LNPEP: variants seen among roughly 807,000 people sequenced by gnomAD.
The protein encoded by LNPEP is leucyl and cystinyl aminopeptidase.
A neutral mutation model predicts 120.6 loss-of-function variants in LNPEP; 64 were observed. The ratio of observed to expected loss-of-function variants is 0.53; its 90% CI spans 0.43 to 0.65. The LOEUF (loss-of-function observed/expected upper bound fraction) is 0.65. LNPEP is among the 30% of genes least tolerant of loss of function. The pLI is 0.00. For synonymous variants in LNPEP, 435 were observed against 425.4 expected, an observed-to-expected ratio of 1.02 and a Z score of -0.28; for missense variants, 1,057 against 1,200.0, an observed-to-expected ratio of 0.88 and a Z score of 1.76.
intron 11 of LNPEP, among the ~76,000 whole-genome samples, chr5:97,008,662 C>CTTTTTTTTTTTTT (rs757725207): frequency 5.9e-5 from 5 of 85,444 alleles, no homozygotes; most frequent in South Asian, 4.7e-4. Context: ...CCTCTTTACT[C>CTTTTTTTTTTTTT]TTTTTTTTTT....
At position 97,031,966 on chromosome 5, in the gene LNPEP, G is replaced by A. The variant is rs541984170; in HGVS notation, c.*3433G>A. ...TTTGTTGAGATGGATTTTAAAAAGAGTCTATTTAAACCAAAGTACCTGGAA... is the reference window on the plus strand; with the variant it reads ...TTTGTTGAGATGGATTTTAAAAAGAATCTATTTAAACCAAAGTACCTGGAA... On this transcript the variant is annotated 3_prime_UTR_variant, in exon 18 of 18. Coordinates refer to ENST00000231368, the MANE Select transcript of LNPEP (RefSeq NM_005575.3). 4.6e-5 allele frequency: 7 copies of A among 152,274 alleles called. No homozygotes were observed. Among genetic ancestry groups the A allele is most frequent in the Admixed American group, 4.6e-4 (7 of 15,280 alleles). 9.4% of individuals were successfully genotyped at this position (152,274 alleles called of 1,614,324 possible). A position where few individuals can be genotyped will look rare whatever the true frequency, so the allele number is the denominator to read the frequency against.
chr5:97,018,563 T>A (rs3797787), intron 13 of LNPEP, among the ~76,000 whole-genome samples: 3 of 152,130 alleles, frequency 2.0e-5, no homozygotes, highest in African/African-American at 7.2e-5. Flanking sequence ...CAGTTAACTT[T>A]AGCTCACCAA....
At chr5:96,995,401 A>T (rs1257444415) in intron 6 of LNPEP, among the ~76,000 whole-genome samples, 1 of 152,038 alleles carries the variant, frequency 6.6e-6, no homozygotes, top group African/African-American at 2.4e-5. Context: ...CATTTCAAGG[A>T]TTTTTTTAGA....
chr5:96,979,327 A>G lies in LNPEP; in HGVS notation c.209A>G (p.Tyr70Cys), dbSNP rs761816383. ...GAGATGGAGGAGGATGAAGAGGATT[A>G]TGAGTCATCAGCAAAGCTGCTGGGC... ...EHEMEEDEED[Y>C]ESSAKLLGMS... The change falls in exon 2 of 18, where the codon TAT (tyrosine) becomes TGT (cysteine). Residue 70 changes from tyrosine (Y) to cysteine (C), a missense_variant. Tyr to Cys is a radical substitution (Grantham distance 194). Transcript: ENST00000231368. 11 of 1,613,916 alleles carry G rather than the reference A, an allele frequency of 6.8e-6. No homozygotes were observed. Among genetic ancestry groups the G allele is most frequent in the African/African-American group, 2.7e-5 (2 of 74,908 alleles).
chr5:96,979,284 C>T lies in LNPEP; in HGVS notation c.166C>T (p.Arg56Trp), dbSNP rs752055158. The T allele has an allele frequency of 1.3e-5, 21 of 1,613,836 alleles. No individual in the cohort carries two copies. The highest frequency in any genetic ancestry group is 8.8e-5 in the South Asian group (8 of 91,072). ...YEPRGSRLLV[R>W]GLGEHEMEED... is the part of the protein sequence containing the mutation. ...GCCCCGGGGTTCCCGACTGCTGGTG[C>T]GGGGTCTTGGTGAGCATGAGATGGA... Residue 56 changes from arginine (R) to tryptophan (W), a missense_variant, in exon 2 of 18, where the codon CGG becomes TGG. By Grantham distance (101) the Arg-to-Trp change is moderately radical. Coordinates refer to ENST00000231368, the MANE Select transcript of LNPEP (RefSeq NM_005575.3).
intron 11 of LNPEP, chr5:97,011,204 T>C (rs1189058236): frequency 2.0e-6 from 2 of 985,012 alleles, no homozygotes; most frequent in Non-Finnish European, 2.4e-6. Flanking sequence ...GTAGCCCTTC[T>C]TTCTGGGGTT....
At chr5:96,945,440 T>C (rs1173627842) in intron 1 of LNPEP, among the ~76,000 whole-genome samples, 16 of 151,446 alleles carry the variant, frequency 1.1e-4, no homozygotes, top group African/African-American at 3.9e-4. Context: ...CAGAAAGGTC[T>C]TTTTCTATAG....
rs1361700681 is a variant in LNPEP at position 97,032,283 on chromosome 5, T to C, written c.*3750T>C. ...ATTTGTATTTTTAAAAACTAAGTTA[T>C]ATATATATTTGCTTGTTTTTGCATT... On this transcript the variant is annotated 3_prime_UTR_variant, in exon 18 of 18. Transcript: ENST00000231368. 1 of 152,212 alleles carries C rather than the reference T, an allele frequency of 6.6e-6. No homozygotes were observed. Among genetic ancestry groups the C allele is most frequent in the East Asian group, 1.9e-4 (1 of 5,204 alleles). The allele number at this position is 152,212 out of a possible 1,614,324, so 9.4% of individuals were successfully genotyped here.
chr5:97,024,738 G>A, intron 15 of LNPEP, 56 bp downstream of exon 15: 1 of 1,504,828 alleles, frequency 6.6e-7, no homozygotes, highest in Non-Finnish European at 9.1e-7. Flanking sequence ...CAAACACTGT[G>A]CTCTTGGTCA....
chr5:96,982,106 C>G (rs1285191498), intron 2 of LNPEP, among the ~76,000 whole-genome samples: 3 of 152,052 alleles, frequency 2.0e-5, no homozygotes, highest in African/African-American at 7.2e-5. Context: ...CATTTTACAG[C>G]TAAGGGAGCA....
chr5:96,985,371 A>T lies in LNPEP; in HGVS notation c.999+153A>T, dbSNP rs1790216631. ...AATACTTAAATAAAAATTAAAATAT[A>T]TTGGCATCAGTTGGGAAGTCACCTT... is the stretch of plus-strand genomic sequence containing the variant. On this transcript the variant is annotated intron_variant, in intron 3 of 17. Transcript: ENST00000231368. Among the ~76,000 whole-genome samples, 5 of 152,200 alleles carry T rather than the reference A, an allele frequency of 3.3e-5. No individual in the cohort carries two copies. In the South Asian group the frequency reaches 1.0e-3, roughly 31 times the overall value.
In LNPEP at chr5:96,951,290, G is replaced by A. The variant is rs151022067; in HGVS notation, c.19+15116G>A. 1.2e-3 allele frequency among the ~76,000 whole-genome samples: 186 copies of A among 151,544 alleles called. 2 individuals are homozygous for A. Among genetic ancestry groups the A allele is most frequent in the African/African-American group, 4.2e-3 (174 of 41,338 alleles). ...CGGGGGGCGCGGGGGACAGAGTCTTGCTCTGCCACCCAGGCTGGAGTGCAG... is the reference window on the plus strand; with the variant it reads ...CGGGGGGCGCGGGGGACAGAGTCTTACTCTGCCACCCAGGCTGGAGTGCAG... On this transcript the variant is annotated intron_variant, in intron 1 of 17. Transcript: ENST00000231368.
At chr5:96,941,609 T>A (rs1454365533) in intron 1 of LNPEP, among the ~76,000 whole-genome samples, 3 of 152,030 alleles carry the variant, frequency 2.0e-5, no homozygotes, top group Non-Finnish European at 4.4e-5. Flanking sequence ...TATATCTAGA[T>A]CTTGACCTAG....
chr5:96,977,605 C>CA (rs1481038808), intron 1 of LNPEP, among the ~76,000 whole-genome samples: 4 of 152,148 alleles, frequency 2.6e-5, no homozygotes, highest in Admixed American at 1.3e-4. Context: ...CAATGTGATG[C>CA]AAATGCTGCA....
intron 1 of LNPEP, among the ~76,000 whole-genome samples, chr5:96,969,313 T>C (rs1430733725): frequency 2.6e-5 from 4 of 152,006 alleles, no homozygotes; most frequent in African/African-American, 9.7e-5. Context: ...AGCAGTTCTG[T>C]AGTTCATTTT....
chr5:96,950,219 G>A (rs1354316396), intron 1 of LNPEP, among the ~76,000 whole-genome samples: 3 of 152,162 alleles, frequency 2.0e-5, no homozygotes, highest in Admixed American at 2.0e-4. Flanking sequence ...ACATTAAAGA[G>A]TGAACCAACA....
chr5:96,996,831 CTAAT>C (rs1407599995), intron 7 of LNPEP, among the ~76,000 whole-genome samples: 2 of 151,830 alleles, frequency 1.3e-5, no homozygotes, highest in Admixed American at 6.6e-5. Context: ...GTTGCAAAGT[CTAAT>C]TAAAATTTTT....
intron 6 of LNPEP, 104 bp downstream of exon 6, chr5:96,994,075 T>A (rs1237049478): frequency 3.5e-6 from 3 of 868,856 alleles, no homozygotes; most frequent in African/African-American, 3.4e-5. Flanking sequence ...TTTTTAAGCA[T>A]TGCCTTCTTT....
intron 1 of LNPEP, among the ~76,000 whole-genome samples, chr5:96,940,614 C>G (rs1406161014): frequency 6.6e-6 from 1 of 152,282 alleles, no homozygotes. Context: ...AATAAATGTA[C>G]AGAAACTGTT....
Sources: allele counts gnomAD v4.1 joint callset (sites outside exome capture counted in the v4.1 genomes callset), GRCh38; gene constraint gnomAD v4.1.1; transcripts MANE v1.5; gene names NCBI Gene and HGNC (gene_info 2026-07-23, HGNC 2026-07-21).